The following ZDHHC17 variants were observed in gnomAD, a reference collection of about 807,000 sequenced individuals.
ZDHHC17 encodes zDHHC palmitoyltransferase 17, also known as palmitoyltransferase ZDHHC17.
Under a neutral mutation model 90.3 loss-of-function variants are expected in ZDHHC17, and 40 were observed. That is an observed-to-expected ratio of 0.44 (90% CI 0.34 to 0.58). The LOEUF (loss-of-function observed/expected upper bound fraction) is 0.58, where lower values mean the gene tolerates loss of function less well. Ranked by LOEUF, ZDHHC17 falls within the 20% of genes least tolerant of loss-of-function variation. The pLI is 0.01. For synonymous variants in ZDHHC17, 235 were observed against 252.4 expected, an observed-to-expected ratio of 0.93 and a Z score of 0.65; for missense variants, 614 against 780.8, an observed-to-expected ratio of 0.79 and a Z score of 2.55.
chr12:76,789,937 T>C (rs1477483543), intron 1 of ZDHHC17, among the ~76,000 whole-genome samples: 1 of 152,212 alleles, frequency 6.6e-6, no homozygotes. Context: ...GGTAGTATCC[T>C]GGATGGGATC....
At position 76,791,750 on chromosome 12, in the gene ZDHHC17, A is replaced by G. The variant is rs186792051; in HGVS notation, c.94-5684A>G. Among the ~76,000 whole-genome samples, 355 of 152,316 alleles carry G rather than the reference A, an allele frequency of 2.3e-3. 3 individuals are homozygous for G. The highest frequency in any genetic ancestry group is 8.0e-3 in the African/African-American group (331 of 41,570). On this transcript the variant is annotated intron_variant, in intron 1 of 16. Transcript: ENST00000426126. ...AGTCCCCACTTCAGATGCCAGTCAC[A>G]AATCAGGCCTCCAGTATTTCTGGAC...
In ZDHHC17 at chr12:76,809,760, A is replaced by T; in HGVS notation, c.446A>T (p.Asp149Val). The T allele has an allele frequency of 6.2e-7, 1 of 1,600,128 alleles. No homozygotes were observed. Among genetic ancestry groups the T allele is most frequent in the Non-Finnish European group, 8.5e-7 (1 of 1,173,744 alleles). The change falls in exon 5 of 17, where the codon GAT (aspartate) becomes GTT (valine). Residue 149 changes from aspartate (D) to valine (V), a missense_variant. By Grantham distance (152) the Asp-to-Val change is radical. This residue lies in a region of ZDHHC17 where 358 missense variants were observed against 380.4 expected (regional missense o/e 0.94). Transcript: ENST00000426126. ...GTGCAACTAATGAAATATGGTGCAG[A>T]TCCTTCATTAATTGATGGAGAAGGA... is the stretch of plus-strand genomic sequence containing the variant. ...MVVQLMKYGA[D>V]PSLIDGEGCS...
chr12:76,841,236 C>T (rs984755608), intron 10 of ZDHHC17: 1 of 152,104 alleles, frequency 6.6e-6, no homozygotes, highest in Non-Finnish European at 1.5e-5. Flanking sequence ...TCTATCTGTG[C>T]TTCATGAGAA....
At chr12:76,776,358 C>T (rs1023256584) in intron 1 of ZDHHC17, among the ~76,000 whole-genome samples, 7 of 152,056 alleles carry the variant, frequency 4.6e-5, no homozygotes, top group African/African-American at 1.7e-4. Flanking sequence ...ATGGTGAAGT[C>T]CCACAGTTCC....
chr12:76,771,609 G>A (rs1279280593), intron 1 of ZDHHC17, among the ~76,000 whole-genome samples: 2 of 152,056 alleles, frequency 1.3e-5, no homozygotes, highest in African/African-American at 4.8e-5. Flanking sequence ...AATTACTTCT[G>A]ATTGAGATGT....
chr12:76,848,210 G>T, intron 14 of ZDHHC17, 23 bp from the exon 15 acceptor site: 1 of 1,612,502 alleles, frequency 6.2e-7, no homozygotes, highest in Non-Finnish European at 8.5e-7. Flanking sequence ...GAGTAAATAC[G>T]AGTACTTCTG....
At chr12:76,784,532 G>T (rs1040893844) in intron 1 of ZDHHC17, among the ~76,000 whole-genome samples, 1 of 152,190 alleles carries the variant, frequency 6.6e-6, no homozygotes, top group Non-Finnish European at 1.5e-5. Flanking sequence ...ACATCAATTT[G>T]TGAGGAAAAA....
chr12:76,828,421 T>C lies in ZDHHC17; in HGVS notation c.1072T>C (p.Leu358=). ...SFFDHSMHSA[L]PLGIYLATKF... ...TTTCGATCATTCAATGCATAGTGCATTGCCCCTTGGGATATATTTGGCAAC... is the reference window on the plus strand; with the variant it reads ...TTTCGATCATTCAATGCATAGTGCACTGCCCCTTGGGATATATTTGGCAAC... The change falls in exon 10 of 17, where the codon TTG becomes CTG. Residue 358 remains leucine (L), a synonymous_variant. Coordinates refer to ENST00000426126, the MANE Select transcript of ZDHHC17 (RefSeq NM_015336.4). 1 of 1,612,748 alleles carries C rather than the reference T, an allele frequency of 6.2e-7. No individual in the cohort carries two copies. Among genetic ancestry groups the C allele is most frequent in the Non-Finnish European group, 8.5e-7 (1 of 1,179,288 alleles).
chr12:76,799,658 C>T (rs1952863772), intron 2 of ZDHHC17, among the ~76,000 whole-genome samples: 1 of 152,152 alleles, frequency 6.6e-6, no homozygotes, highest in Non-Finnish European at 1.5e-5. Context: ...ATGATCTGAA[C>T]AATTTGATTT....
chr12:76,800,112 C>A (rs916418583), intron 2 of ZDHHC17, among the ~76,000 whole-genome samples: 2 of 152,120 alleles, frequency 1.3e-5, no homozygotes, highest in Non-Finnish European at 2.9e-5. Context: ...AGATGCCCAA[C>A]CTGTACATGG....
At chr12:76,787,762 A>G (rs971859534) in intron 1 of ZDHHC17, among the ~76,000 whole-genome samples, 4 of 152,222 alleles carry the variant, frequency 2.6e-5, no homozygotes, top group Admixed American at 1.3e-4. Context: ...ATCTGTGAAC[A>G]TTAGTAGTAA....
chr12:76,832,673 A>AT (rs1431975424), intron 10 of ZDHHC17, among the ~76,000 whole-genome samples: 4 of 152,274 alleles, frequency 2.6e-5, no homozygotes, highest in Admixed American at 2.6e-4. Context: ...TAACACATGT[A>AT]TTTTTTCTGT....
intron 1 of ZDHHC17, among the ~76,000 whole-genome samples, chr12:76,796,142 C>T (rs185126734): frequency 3.9e-5 from 6 of 152,164 alleles, no homozygotes; most frequent in Non-Finnish European, 8.8e-5. Context: ...TAGCTTTTTC[C>T]TCTAGTAAAA....
intron 12 of ZDHHC17, 120 bp from the exon 13 acceptor site, chr12:76,845,589 A>G (rs2137806125): frequency 2.4e-6 from 1 of 408,362 alleles, no homozygotes; most frequent in East Asian, 3.9e-5. Flanking sequence ...AAACCTTGAT[A>G]TAATCTTGTT....
intron 1 of ZDHHC17, among the ~76,000 whole-genome samples, chr12:76,787,847 C>G (rs181969493): frequency 2.0e-5 from 3 of 151,870 alleles, no homozygotes; most frequent in Non-Finnish European, 4.4e-5. Context: ...ACACTACTTA[C>G]CAAACTAAAC....
chr12:76,828,002 C>T (rs971813187), intron 9 of ZDHHC17, among the ~76,000 whole-genome samples: 6 of 152,014 alleles, frequency 3.9e-5, no homozygotes, highest in Non-Finnish European at 8.8e-5. Context: ...AATGATGAAA[C>T]AGAGAAAAAT....
At chr12:76,831,871 C>G (rs1057483120) in intron 10 of ZDHHC17, among the ~76,000 whole-genome samples, 1 of 151,998 alleles carries the variant, frequency 6.6e-6, no homozygotes, top group Non-Finnish European at 1.5e-5. Flanking sequence ...GTCTCAAACT[C>G]CTGGGCTCAA....
At chr12:76,779,417 A>C (rs1225333104) in intron 1 of ZDHHC17, among the ~76,000 whole-genome samples, 2 of 152,134 alleles carry the variant, frequency 1.3e-5, no homozygotes, top group African/African-American at 4.8e-5. Flanking sequence ...GAGCAAAGTC[A>C]CGTCTTACAT....
intron 5 of ZDHHC17, among the ~76,000 whole-genome samples, chr12:76,811,270 G>T (rs1175567956): frequency 6.6e-6 from 1 of 152,180 alleles, no homozygotes; most frequent in Non-Finnish European, 1.5e-5. Context: ...TTGTTATTCT[G>T]CAGTTTTTTT....
Sources: allele counts gnomAD v4.1 joint callset (sites outside exome capture counted in the v4.1 genomes callset), GRCh38; gene constraint gnomAD v4.1.1; regional missense constraint gnomAD v4.1.1; transcripts MANE v1.5; gene names NCBI Gene and HGNC (gene_info 2026-07-23, HGNC 2026-07-21).